Variants in ANO1 observed in about 807,000 individuals in gnomAD.
ANO1 encodes the protein anoctamin 1.
Under a neutral mutation model 124.0 loss-of-function variants are expected in ANO1, and 59 were observed. The ratio of observed to expected loss-of-function variants is 0.48; its 90% CI spans 0.39 to 0.59. The LOEUF (loss-of-function observed/expected upper bound fraction) is 0.59. ANO1 is among the 20% of genes least tolerant of loss of function. The probability of loss-of-function intolerance (pLI) is 0.00; values close to 1 mark genes in which losing one functional copy is unlikely to be tolerated. For missense variants in ANO1, 1,059 were observed against 1,328.0 expected (o/e 0.80, Z 3.15); for synonymous variants, 529 against 532.0 (o/e 0.99, Z 0.08).
intron 1 of ANO1, among the ~76,000 whole-genome samples, chr11:70,069,787 A>G (rs1305347284): frequency 6.6e-6 from 1 of 151,976 alleles, no homozygotes; most frequent in Non-Finnish European, 1.5e-5. Context: ...GGCTGTGATG[A>G]GCTTAAAAAT....
chr11:70,073,980 G>A (rs1192527048), upstream of ANO1, among the ~76,000 whole-genome samples: 3 of 151,996 alleles, frequency 2.0e-5, no homozygotes, highest in Non-Finnish European at 4.4e-5. Context: ...ATCATGCAAG[G>A]GAAGGAAATG....
At chr11:69,986,784 A>G (rs1554996925) in intron 1 of ANO1, among the ~76,000 whole-genome samples, 1 of 152,300 alleles carries the variant, frequency 6.6e-6, no homozygotes, top group Admixed American at 6.5e-5. Flanking sequence ...ATTTTAAAAT[A>G]AATGACCCAA....
At position 70,048,090 on chromosome 11, in the gene ANO1, C is replaced by T. The variant is rs528493448; in HGVS notation, c.59-30452C>T. On this transcript the variant is annotated intron_variant, in intron 1 of 27. Transcript: ENST00000531349. ...TATTTTGGTGAAAATAGAAACTTTC[C>T]GTTTTATGAGATATTATTTTTGTCT... Among the ~76,000 whole-genome samples the T allele has an allele frequency of 5.1e-4, 78 of 152,200 alleles. 1 individual carries two copies. Among genetic ancestry groups the T allele is most frequent in the African/African-American group, 1.7e-3 (72 of 41,520 alleles).
At position 70,088,076 on chromosome 11, in the gene ANO1, GACGAGGACGTA is replaced by G; in HGVS notation, c.436_441+5del. The G allele has an allele frequency of 8.3e-7, 1 of 1,210,842 alleles. No individual in the cohort carries two copies. 75.0% of individuals were successfully genotyped at this position (1,210,842 alleles called of 1,614,324 possible). ...GGAGGCGGGCCTGGAGCTGGAGCGG[GACGAGGACGTA>G]ACTATCTCACTGCGCGCTGTTTGTG... On this transcript the variant is annotated splice_donor_variant and splice_donor_region_variant and coding_sequence_variant and intron_variant, in exon 2 of 26. Transcript: ENST00000355303. LOFTEE classifies it high-confidence loss of function.
rs574458116 is a variant in ANO1 at position 70,156,268 on chromosome 11, C to T, written c.1503+280C>T. ...GCCTGCAAGTGTTTCTTGGTCTCCT[C>T]GTTAACATGCATGCCACCCACCCCA... On this transcript the variant is annotated intron_variant, in intron 15 of 25. Transcript: ENST00000355303. Among the ~76,000 whole-genome samples, 23 of 152,244 alleles carry T rather than the reference C, an allele frequency of 1.5e-4. No individual in the cohort carries two copies. In the East Asian group the frequency reaches 1.7e-3, roughly 12 times the overall value.
chr11:70,164,348 A>G (rs2135726728), intron 19 of ANO1, among the ~76,000 whole-genome samples: 2 of 152,366 alleles, frequency 1.3e-5, no homozygotes, highest in South Asian at 2.1e-4. Flanking sequence ...TCTGGAGTGC[A>G]GCCTAGAGGT....
At chr11:69,980,927 C>T (rs1476800407), upstream of ANO1, among the ~76,000 whole-genome samples, 10 of 152,214 alleles carry the variant, frequency 6.6e-5, no homozygotes, top group African/African-American at 2.4e-4. Flanking sequence ...TGGCACATGC[C>T]TGTAATCCCA....
chr11:70,160,610 A>G (rs1276059187), intron 16 of ANO1, among the ~76,000 whole-genome samples: 1 of 152,194 alleles, frequency 6.6e-6, no homozygotes, highest in African/African-American at 2.4e-5. Context: ...GCCCCATCCC[A>G]GGCCACACCT....
chr11:69,996,393 G>A (rs1430485793), intron 1 of ANO1, among the ~76,000 whole-genome samples: 3 of 152,144 alleles, frequency 2.0e-5, no homozygotes, highest in Non-Finnish European at 4.4e-5. Context: ...AGAAGTGTTC[G>A]GCTGAACAGT....
intron 1 of ANO1, among the ~76,000 whole-genome samples, chr11:69,997,629 T>G (rs527863548): frequency 2.0e-5 from 3 of 152,310 alleles, no homozygotes; most frequent in Non-Finnish European, 4.4e-5. Context: ...CACGTTGAAA[T>G]GTAATCCCCA....
At chr11:70,187,015 A>G (rs960620755) in intron 25 of ANO1, among the ~76,000 whole-genome samples, 3 of 152,196 alleles carry the variant, frequency 2.0e-5, no homozygotes, top group African/African-American at 7.2e-5. Flanking sequence ...CCTGGAGGCA[A>G]GGCAGCCCCT....
chr11:70,040,805 T>C lies in ANO1; in HGVS notation c.59-37737T>C, dbSNP rs112212120. 3.3e-3 allele frequency among the ~76,000 whole-genome samples: 509 copies of C among 152,340 alleles called. 4 individuals are homozygous for C. Among genetic ancestry groups the C allele is most frequent in the African/African-American group, 0.012 (482 of 41,572 alleles). The stretch of plus-strand genomic sequence containing the variant: ...GATGGAGCTGCCTTGGAAAGGAGAC[T>C]ATGAAGCCATCTGAAGGCCAGGGCT... On this transcript the variant is annotated intron_variant, in intron 1 of 27. Transcript: ENST00000531349.
At chr11:70,151,607 A>T (rs774696365) in intron 12 of ANO1, among the ~76,000 whole-genome samples, 23 of 152,094 alleles carry the variant, frequency 1.5e-4, no homozygotes, top group Non-Finnish European at 1.8e-4. Flanking sequence ...CCTGACCCTG[A>T]TGGCTTGGGA....
At chr11:70,111,385 C>T (rs1296307831) in intron 6 of ANO1, among the ~76,000 whole-genome samples, 1 of 152,210 alleles carries the variant, frequency 6.6e-6, no homozygotes, top group Non-Finnish European at 1.5e-5. Flanking sequence ...GAATCGGAGG[C>T]TTGGGGTGAC....
intron 1 of ANO1, among the ~76,000 whole-genome samples, chr11:70,060,683 C>A (rs1468492706): frequency 2.6e-5 from 4 of 152,144 alleles, no homozygotes; most frequent in Admixed American, 2.0e-4. Flanking sequence ...ATTTTGAAGG[C>A]CTCTAGAAGT....
At chr11:70,136,941 A>G (rs34094842) in intron 11 of ANO1, among the ~76,000 whole-genome samples, 32,041 of 146,654 alleles carry the variant, frequency 0.22, 7,082 homozygotes, top group Middle Eastern at 0.32. Context: ...AGACACGCTG[A>G]GCTGGGCTGG....
chr11:69,978,551 A>G, the ANO1 span, among the ~76,000 whole-genome samples: 1 of 152,170 alleles, frequency 6.6e-6, no homozygotes, highest in Non-Finnish European at 1.5e-5. Flanking sequence ...GGGTCTTGCC[A>G]TGTTTCCCAG....
intron 1 of ANO1, among the ~76,000 whole-genome samples, chr11:69,998,185 T>C (rs1856309728): frequency 6.6e-6 from 1 of 152,210 alleles, no homozygotes; most frequent in South Asian, 2.1e-4. Context: ...TGAGCTGTAA[T>C]TTACATACAG....
chr11:70,157,366 C>G (rs1436088120), intron 16 of ANO1, among the ~76,000 whole-genome samples: 1 of 98,112 alleles, frequency 1.0e-5, no homozygotes, highest in South Asian at 3.7e-4. Context: ...GACTCTGTCT[C>G]AAAAAAAAAA....
Sources: allele counts gnomAD v4.1 joint callset (sites outside exome capture counted in the v4.1 genomes callset), GRCh38; gene constraint gnomAD v4.1.1; transcripts MANE v1.5; gene names NCBI Gene and HGNC (gene_info 2026-07-23, HGNC 2026-07-21).